The following IQGAP2 variants were observed in gnomAD, a reference collection of about 807,000 sequenced individuals.
IQGAP2 encodes ras GTPase-activating-like protein IQGAP2.
A neutral mutation model predicts 201.3 loss-of-function variants in IQGAP2; 173 were observed. The ratio of observed to expected loss-of-function variants is 0.86; its 90% CI spans 0.76 to 0.98. The LOEUF is 0.98. Ranked by LOEUF, IQGAP2 falls within the 50% of genes least tolerant of loss-of-function variation. The pLI, the probability that IQGAP2 is intolerant of heterozygous loss-of-function variation, is 0.00. For missense variants in IQGAP2, 1,687 were observed against 1,864.8 expected (o/e 0.90, Z 1.76); for synonymous variants, 675 against 673.9 (o/e 1.00, Z -0.03).
intron 28 of IQGAP2, among the ~76,000 whole-genome samples, chr5:76,677,777 T>TA: frequency 1.3e-5 from 2 of 152,040 alleles, no homozygotes; most frequent in South Asian, 4.1e-4. Context: ...AAAAATTTTT[T>TA]AAAAACTAGC....
intron 2 of IQGAP2, among the ~76,000 whole-genome samples, chr5:76,494,831 C>G (rs1411016319): frequency 1.3e-5 from 2 of 152,162 alleles, no homozygotes; most frequent in Non-Finnish European, 2.9e-5. Context: ...GAAATCAGAA[C>G]AGAGAACGTC....
chr5:76,683,581 C>G (rs931748114), intron 29 of IQGAP2, among the ~76,000 whole-genome samples, 195 bp from the exon 30 acceptor site: 10 of 152,102 alleles, frequency 6.6e-5, no homozygotes, highest in African/African-American at 2.4e-4. Flanking sequence ...ATACCTATGT[C>G]CCATGTCATT....
chr5:76,614,375 T>C (rs981492911), intron 13 of IQGAP2, among the ~76,000 whole-genome samples: 1 of 152,152 alleles, frequency 6.6e-6, no homozygotes, highest in Non-Finnish European at 1.5e-5. Context: ...ACTGTTAGAC[T>C]ATAGTTAGAG....
chr5:76,558,127 C>G (rs1744075485), intron 2 of IQGAP2, among the ~76,000 whole-genome samples: 1 of 152,166 alleles, frequency 6.6e-6, no homozygotes, highest in South Asian at 2.1e-4. Flanking sequence ...TTTAAACCTA[C>G]TGCACATATA....
intron 3 of IQGAP2, among the ~76,000 whole-genome samples, chr5:76,564,287 T>C (rs373731376): frequency 6.2e-4 from 95 of 152,256 alleles, no homozygotes; most frequent in African/African-American, 2.2e-3. Flanking sequence ...AGCTTGTCTT[T>C]TTTTCATTGC....
At chr5:76,481,499 T>TA (rs1755792522) in intron 2 of IQGAP2, among the ~76,000 whole-genome samples, 1 of 152,026 alleles carries the variant, frequency 6.6e-6, no homozygotes, top group Non-Finnish European at 1.5e-5. Flanking sequence ...TCTCCGGCTT[T>TA]AGTCTCCTGA....
intron 2 of IQGAP2, among the ~76,000 whole-genome samples, chr5:76,498,036 G>T (rs1247692901): frequency 6.6e-6 from 1 of 152,142 alleles, no homozygotes; most frequent in Non-Finnish European, 1.5e-5. Flanking sequence ...GCATTGTTAA[G>T]TTATGGGCTT....
chr5:76,482,997 G>A (rs920908864), intron 2 of IQGAP2, among the ~76,000 whole-genome samples: 1 of 152,118 alleles, frequency 6.6e-6, no homozygotes, highest in African/African-American at 2.4e-5. Context: ...TAAAAATTAA[G>A]CGCTACATTG....
At chr5:76,482,839 C>T (rs1164850276) in intron 2 of IQGAP2, among the ~76,000 whole-genome samples, 2 of 152,116 alleles carry the variant, frequency 1.3e-5, no homozygotes, top group Admixed American at 6.5e-5. Context: ...GAACCATAGT[C>T]GATTTATTTT....
intron 1 of IQGAP2, among the ~76,000 whole-genome samples, chr5:76,418,863 GA>G (rs886239313): frequency 2.6e-5 from 4 of 152,164 alleles, no homozygotes. Flanking sequence ...CTTAATGCTT[GA>G]AAAGGTTTCC....
chr5:76,480,457 A>G (rs1019447178), intron 2 of IQGAP2, among the ~76,000 whole-genome samples: 2 of 152,154 alleles, frequency 1.3e-5, no homozygotes, highest in Non-Finnish European at 2.9e-5. Context: ...CCCAGAGCTT[A>G]TCTTTTCTCT....
At position 76,427,465 on chromosome 5, in the gene IQGAP2, T is replaced by G. The variant is rs1580167072; in HGVS notation, c.46+23874T>G. On this transcript the variant is annotated intron_variant, in intron 1 of 35. Coordinates refer to ENST00000274364, the MANE Select transcript of IQGAP2 (RefSeq NM_006633.5). ...TCCCCCCTCCCCTTTCAAGAGTGCA[T>G]GAATAATGAGGTCTTTCTGCCGGGA... Among the ~76,000 whole-genome samples, 3 of 152,242 alleles carry G rather than the reference T, an allele frequency of 2.0e-5. 1 individual carries two copies. The highest frequency in any genetic ancestry group is 2.0e-4 in the Admixed American group (3 of 15,290).
chr5:76,621,196 T>C (rs1051150541), intron 13 of IQGAP2, among the ~76,000 whole-genome samples: 5 of 152,214 alleles, frequency 3.3e-5, no homozygotes, highest in African/African-American at 1.2e-4. Flanking sequence ...CTTTAATCTC[T>C]AGCAGTTAGC....
rs1458608982 is a variant in IQGAP2, at chr5:76,674,568, A to G, written c.3386A>G (p.Gln1129Arg). 1.2e-6 allele frequency: 2 copies of G among 1,614,130 alleles called. No homozygotes were observed. Among genetic ancestry groups the G allele is most frequent in the East Asian group, 2.2e-5 (1 of 44,878 alleles). ...FDIIDMTAGG[Q>R]INSDQRRNLG... ...ATCATCGACATGACAGCTGGAGGTC[A>G]GATAAATTCTGACCAAAGGAGAAAC... is the stretch of plus-strand genomic sequence containing the variant. The change falls in exon 27 of 36, where the codon CAG becomes CGG. Residue 1129 changes from glutamine (Q) to arginine (R), a missense_variant. Gln to Arg is a conservative substitution (Grantham distance 43). Transcript: ENST00000274364.
intron 17 of IQGAP2, among the ~76,000 whole-genome samples, chr5:76,646,590 TC>T (rs1752055280): frequency 6.6e-6 from 1 of 152,194 alleles, no homozygotes; most frequent in Non-Finnish European, 1.5e-5. Flanking sequence ...CCTGTATAAT[TC>T]TTTATCACCA....
intron 32 of IQGAP2, 125 bp downstream of exon 32, chr5:76,695,791 T>A: frequency 1.7e-6 from 1 of 580,714 alleles, no homozygotes; most frequent in Non-Finnish European, 3.1e-6. Flanking sequence ...GTTACTGCCC[T>A]CTTCAATGCT....
intron 2 of IQGAP2, among the ~76,000 whole-genome samples, chr5:76,517,411 C>T (rs754775736): frequency 3.3e-5 from 5 of 152,038 alleles, no homozygotes; most frequent in Non-Finnish European, 5.9e-5. Context: ...ATGCAAATAA[C>T]AGTAACGTGT....
In IQGAP2 at chr5:76,685,167, C is replaced by G. The variant is rs369280110; in HGVS notation, c.3905+1250C>G. 3.9e-5 allele frequency among the ~76,000 whole-genome samples: 6 copies of G among 152,288 alleles called. No individual in the cohort carries two copies. In the South Asian group the frequency reaches 1.2e-3, roughly 32 times the overall value. On this transcript the variant is annotated intron_variant, in intron 30 of 35. Transcript: ENST00000274364. ...AGTTGAGGGCGGTTCTTTTTGACTA[C>G]AGATTACCAAGGCAGATGAAAATTT...
chr5:76,538,261 C>G (rs746909434), intron 2 of IQGAP2, among the ~76,000 whole-genome samples: 1 of 152,202 alleles, frequency 6.6e-6, no homozygotes, highest in African/African-American at 2.4e-5. Context: ...CTCCATGATC[C>G]AATTACCTTC....
Sources: allele counts gnomAD v4.1 joint callset (sites outside exome capture counted in the v4.1 genomes callset), GRCh38; gene constraint gnomAD v4.1.1; transcripts MANE v1.5; gene names NCBI Gene and HGNC (gene_info 2026-07-23, HGNC 2026-07-21).